Variants in EYS observed in about 807,000 individuals in gnomAD.
EYS encodes the protein EGF-like photoreceptor maintenance factor.
A neutral mutation model predicts 282.1 loss-of-function variants in EYS; 250 were observed. The observed-to-expected ratio is 0.89, with a 90% confidence interval of 0.80 to 0.98. The LOEUF (loss-of-function observed/expected upper bound fraction) is 0.98. Ranked by LOEUF, EYS falls within the 50% of genes least tolerant of loss-of-function variation. The pLI is 0.00. For missense variants in EYS, 4,016 were observed against 3,709.0 expected (o/e 1.08, Z -2.15); for synonymous variants, 1,355 against 1,282.9 (o/e 1.06, Z -1.20).
chr6:65,488,744 A>C (rs1350193986), intron 5 of EYS, among the ~76,000 whole-genome samples: 1 of 152,172 alleles, frequency 6.6e-6, no homozygotes. Flanking sequence ...AGGCTACAGT[A>C]ACCAAAACAG....
At chr6:64,051,850 C>G (rs1349478625) in intron 33 of EYS, among the ~76,000 whole-genome samples, 2 of 152,020 alleles carry the variant, frequency 1.3e-5, no homozygotes, top group African/African-American at 2.4e-5. Flanking sequence ...AAGTAAAACA[C>G]AGGTCACAGA....
At position 64,462,068 on chromosome 6, in the gene EYS, G is replaced by C. The variant is rs906032901; in HGVS notation, c.5645-22716C>G. Among the ~76,000 whole-genome samples, 3 of 152,168 alleles carry C rather than the reference G, an allele frequency of 2.0e-5. No individual in the cohort carries two copies. In the South Asian group the frequency reaches 6.2e-4, roughly 32 times the overall value. ...AGAAGTAACAATTTGTGTATAAAATGCTTTAAAATGTGTTTGTTAATTATT... is the reference window on the plus strand; with the variant it reads ...AGAAGTAACAATTTGTGTATAAAATCCTTTAAAATGTGTTTGTTAATTATT... On this transcript the variant is annotated intron_variant, in intron 26 of 42. Coordinates refer to ENST00000503581, the MANE Select transcript of EYS (RefSeq NM_001142800.2).
intron 36 of EYS, among the ~76,000 whole-genome samples, chr6:63,839,293 T>G (rs747183443): frequency 2.0e-5 from 3 of 151,972 alleles, no homozygotes; most frequent in Non-Finnish European, 4.4e-5. Context: ...AGCTTCCATA[T>G]ATGAGTGAGA....
At chr6:65,372,235 C>T (rs894585102) in intron 8 of EYS, among the ~76,000 whole-genome samples, 4 of 151,902 alleles carry the variant, frequency 2.6e-5, no homozygotes, top group South Asian at 4.1e-4. Context: ...AGCTCCGATG[C>T]TATTTTCTTT....
intron 29 of EYS, among the ~76,000 whole-genome samples, chr6:64,367,909 G>A (rs555070944): frequency 6.6e-6 from 1 of 152,176 alleles, no homozygotes; most frequent in Admixed American, 6.6e-5. Flanking sequence ...GAATATTTGA[G>A]CCTAGACACA....
intron 2 of EYS, among the ~76,000 whole-genome samples, chr6:65,606,727 T>C (rs2149792840): frequency 6.6e-6 from 1 of 152,004 alleles, no homozygotes; most frequent in East Asian, 1.9e-4. Flanking sequence ...AGTTATTGAC[T>C]CAAAATTTTA....
At chr6:64,419,135 A>G (rs1302804470) in intron 28 of EYS, among the ~76,000 whole-genome samples, 3 of 152,190 alleles carry the variant, frequency 2.0e-5, no homozygotes, top group Non-Finnish European at 4.4e-5. Flanking sequence ...ATAGACGATC[A>G]TAAGTAGCTA....
chr6:64,382,860 A>G (rs950792594), intron 29 of EYS, among the ~76,000 whole-genome samples: 2 of 152,154 alleles, frequency 1.3e-5, no homozygotes, highest in Admixed American at 1.3e-4. Flanking sequence ...GCATCAGAGT[A>G]AAAAATGGGA....
intron 21 of EYS, among the ~76,000 whole-genome samples, chr6:64,816,863 A>T (rs916822196): frequency 1.2e-4 from 19 of 152,056 alleles, no homozygotes; most frequent in African/African-American, 4.1e-4. Flanking sequence ...GACTTAAAAT[A>T]TCTTAAATAT....
intron 33 of EYS, among the ~76,000 whole-genome samples, chr6:64,020,255 G>A (rs1256059215): frequency 6.6e-6 from 1 of 152,122 alleles, no homozygotes; most frequent in African/African-American, 2.4e-5. Flanking sequence ...AAATACTATG[G>A]TGGTGAATAC....
At chr6:65,109,407 G>T (rs1775140799) in intron 12 of EYS, among the ~76,000 whole-genome samples, 1 of 151,694 alleles carries the variant, frequency 6.6e-6, no homozygotes, top group Non-Finnish European at 1.5e-5. Flanking sequence ...AGAATTTTTT[G>T]TTTGTTTGTT....
chr6:65,115,908 A>G (rs1775356614), intron 12 of EYS, among the ~76,000 whole-genome samples: 2 of 152,048 alleles, frequency 1.3e-5, no homozygotes, highest in Admixed American at 1.3e-4. Flanking sequence ...ACTTCATAAC[A>G]CTGTGGTGTA....
At chr6:65,359,529 T>G (rs756510196) in intron 8 of EYS, among the ~76,000 whole-genome samples, 22 of 152,018 alleles carry the variant, frequency 1.4e-4, no homozygotes, top group Non-Finnish European at 2.8e-4. Context: ...CTTTTCATGA[T>G]GTATTAAGCA....
At chr6:63,999,238 T>A in intron 33 of EYS, 55 bp from the exon 34 acceptor site, 1 of 1,115,926 alleles carries the variant, frequency 9.0e-7, no homozygotes, top group South Asian at 1.3e-5. Context: ...AAGAAAGGAG[T>A]AACTTCACAC....
At chr6:64,649,752 T>A (rs373818764) in intron 22 of EYS, among the ~76,000 whole-genome samples, 2 of 152,156 alleles carry the variant, frequency 1.3e-5, no homozygotes, top group Non-Finnish European at 2.9e-5. Context: ...CAAATCAATG[T>A]CCAAGAGAAA....
intron 10 of EYS, among the ~76,000 whole-genome samples, chr6:65,337,657 G>T (rs1770039562): frequency 6.6e-6 from 1 of 150,716 alleles, no homozygotes; most frequent in Non-Finnish European, 1.5e-5. Context: ...TTAGAAAGTT[G>T]ACTTGGCTAT....
intron 35 of EYS, among the ~76,000 whole-genome samples, chr6:63,903,315 T>C (rs1042242423): frequency 2.0e-5 from 3 of 151,680 alleles, no homozygotes; most frequent in African/African-American, 4.8e-5. Flanking sequence ...ATTCAGGGAG[T>C]TGAGAAACAA....
At chr6:65,219,940 C>T (rs1053317044) in intron 12 of EYS, among the ~76,000 whole-genome samples, 1 of 152,058 alleles carries the variant, frequency 6.6e-6, no homozygotes, top group Non-Finnish European at 1.5e-5. Flanking sequence ...TTATCTTGCA[C>T]TGGGTCCCTC....
At chr6:63,943,094 G>A (rs1243774861) in intron 35 of EYS, among the ~76,000 whole-genome samples, 1 of 152,196 alleles carries the variant, frequency 6.6e-6, no homozygotes, top group African/African-American at 2.4e-5. Context: ...TTACGCTTCT[G>A]AGAAGTCAAG....
Sources: gnomAD v4.1 joint callset for allele counts (sites outside exome capture counted in the v4.1 genomes callset) on GRCh38, gnomAD v4.1.1 for gene constraint, MANE v1.5 for transcripts, NCBI Gene and HGNC (gene_info 2026-07-23, HGNC 2026-07-21) for gene names.